The following NRDE2 variants were observed in gnomAD, a reference collection of about 807,000 sequenced individuals.
NRDE2 encodes nuclear exosome regulator NRDE2.
A neutral mutation model predicts 124.2 loss-of-function variants in NRDE2; 76 were observed. The observed-to-expected ratio is 0.61, with a 90% CI of 0.51 to 0.74. The LOEUF is 0.74. Among genes scored for constraint, NRDE2 ranks in the 30% least tolerant of loss-of-function variants. NRDE2 has a pLI of 0.00. For missense variants in NRDE2, 1,314 were observed against 1,417.3 expected, an observed-to-expected ratio of 0.93 and a Z score of 1.17; for synonymous variants, 489 against 528.1, an observed-to-expected ratio of 0.93 and a Z score of 1.01.
chr14:90,318,630 T>C (rs574093096), intron 1 of NRDE2, among the ~76,000 whole-genome samples: 45 of 151,944 alleles, frequency 3.0e-4, no homozygotes, highest in Non-Finnish European at 5.9e-4. Flanking sequence ...TGAAAAACCA[T>C]CTCTACTAAA....
rs144178237 is a variant in NRDE2 at position 90,290,461 on chromosome 14, C to T, written c.1989G>A (p.Glu663=). 3.7e-4 allele frequency: 592 copies of T among 1,614,052 alleles called. 2 individuals are homozygous for T. In the African/African-American group the frequency reaches 7.4e-3, roughly 20 times the overall value. ...PASCLYLAMD[E]NSIFDNGLYD... Reference sequence around the variant, plus strand: ...AAAGTCCATTATCAAAGATGCTGTTCTCATCCATGGCCAGATAAAGACAGG... The same window carrying T: ...AAAGTCCATTATCAAAGATGCTGTTTTCATCCATGGCCAGATAAAGACAGG... Residue 663 remains glutamate, a synonymous_variant, in exon 10 of 14, where the codon GAG becomes GAA. Transcript: ENST00000354366.
chr14:90,314,551 A>C (rs1884971086), intron 3 of NRDE2, among the ~76,000 whole-genome samples: 1 of 152,218 alleles, frequency 6.6e-6, no homozygotes, highest in African/African-American at 2.4e-5. Context: ...CAAGTTCTAA[A>C]GATAGTTCCT....
At chr14:90,278,930 T>C (rs1454288185) in intron 13 of NRDE2, 132 bp downstream of exon 13, 14 of 709,832 alleles carry the variant, frequency 2.0e-5, no homozygotes, top group Non-Finnish European at 3.1e-5. Flanking sequence ...TGGATGTACC[T>C]TGGGACAGGG....
chr14:90,323,505 C>T (rs951329195), intron 1 of NRDE2, among the ~76,000 whole-genome samples: 2 of 152,176 alleles, frequency 1.3e-5, no homozygotes, highest in African/African-American at 4.8e-5. Context: ...ATTCAAAAAA[C>T]ATTTCTAGGG....
rs1220742788 is a variant in NRDE2 at position 90,311,547 on chromosome 14, TCTC to T, written c.557+844_557+846del. Among the ~76,000 whole-genome samples the T allele has an allele frequency of 2.0e-5, 3 of 152,284 alleles. No individual in the cohort carries two copies. The East Asian group carries it at 5.8e-4, about 29-fold the overall frequency. ...CCATGTAAGACGTGCCTTTGCTCCT[TCTC>T]CACCTTCCACCATGATTGCGAGGTC... On this transcript the variant is annotated intron_variant, in intron 4 of 13. Transcript: ENST00000354366.
chr14:90,327,710 G>A (rs981197334), intron 1 of NRDE2, among the ~76,000 whole-genome samples: 1 of 152,210 alleles, frequency 6.6e-6, no homozygotes, highest in African/African-American at 2.4e-5. Flanking sequence ...CGAAAGGAAT[G>A]AATCAAGTAT....
At chr14:90,313,535 G>C (rs10147186) in intron 3 of NRDE2, among the ~76,000 whole-genome samples, 97,811 of 151,894 alleles carry the variant, frequency 0.64, 31,981 homozygotes, top group African/African-American at 0.74. Context: ...AGACCCTAAT[G>C]TATCTCTCTG....
intron 4 of NRDE2, among the ~76,000 whole-genome samples, chr14:90,306,182 G>A (rs1884594327): frequency 6.6e-6 from 1 of 152,116 alleles, no homozygotes; most frequent in African/African-American, 2.4e-5. Context: ...AAATGCCGTG[G>A]GGAGAAAAAG....
At chr14:90,283,993 G>A (rs1263424667) in intron 12 of NRDE2, among the ~76,000 whole-genome samples, 1 of 152,120 alleles carries the variant, frequency 6.6e-6, no homozygotes, top group Admixed American at 6.5e-5. Flanking sequence ...TTACAGGCAT[G>A]AGCCACCACA....
chr14:90,320,866 A>C (rs1885216971), intron 1 of NRDE2, among the ~76,000 whole-genome samples: 1 of 152,196 alleles, frequency 6.6e-6, no homozygotes, highest in Non-Finnish European at 1.5e-5. Flanking sequence ...TAAGACTCAA[A>C]GGGGTTAAGT....
intron 1 of NRDE2, among the ~76,000 whole-genome samples, chr14:90,322,672 G>A (rs957791213): frequency 5.3e-5 from 8 of 152,144 alleles, no homozygotes; most frequent in African/African-American, 1.9e-4. Context: ...TCTAGGTACT[G>A]GGGGTATAGT....
chr14:90,317,887 C>G (rs1885102746), intron 2 of NRDE2, 118 bp downstream of exon 2: 3 of 659,190 alleles, frequency 4.6e-6, no homozygotes, highest in Non-Finnish European at 7.7e-6. Flanking sequence ...CACCTTATTA[C>G]TTTAAGTAAG....
chr14:90,274,840 C>CACACA lies in NRDE2; in HGVS notation c.*3495_*3496insTGTGT, dbSNP rs1891768392. 3 of 110,052 alleles carry CACACA rather than the reference C, an allele frequency of 2.7e-5. No homozygotes were observed. Among genetic ancestry groups the CACACA allele is most frequent in the Non-Finnish European group, 5.8e-5 (3 of 51,850 alleles). 6.8% of individuals were successfully genotyped at this position (110,052 alleles called of 1,614,324 possible). A position where few individuals can be genotyped will look rare whatever the true frequency, so the allele number is the denominator to read the frequency against. Reference sequence around the variant, plus strand: ...CACACACACACACACACACACACACCCCAATACATATGAATTGATCTGAAA... The same window carrying CACACA: ...CACACACACACACACACACACACACCACACACCAATACATATGAATTGATCTGAAA... On this transcript the variant is annotated 3_prime_UTR_variant, in exon 14 of 14. Transcript: ENST00000354366.
chr14:90,280,587 G>A (rs553278291), intron 12 of NRDE2: 41 of 152,442 alleles, frequency 2.7e-4, no homozygotes, highest in African/African-American at 8.9e-4. Context: ...CTCACTGCAC[G>A]GAGGTATGGA....
chr14:90,314,411 A>G (rs957362655), intron 3 of NRDE2, among the ~76,000 whole-genome samples: 3 of 152,262 alleles, frequency 2.0e-5, no homozygotes, highest in African/African-American at 7.2e-5. Context: ...GAGAAGGACA[A>G]GAACAATCTT....
chr14:90,325,807 G>A (rs561687722), intron 1 of NRDE2, among the ~76,000 whole-genome samples: 2 of 152,272 alleles, frequency 1.3e-5, no homozygotes, highest in East Asian at 1.9e-4. Context: ...GATTTCAGGT[G>A]TAAGCCACTG....
intron 4 of NRDE2, 85 bp from the exon 5 acceptor site, chr14:90,304,467 C>G: frequency 2.0e-6 from 2 of 1,008,472 alleles, no homozygotes; most frequent in Non-Finnish European, 2.9e-6. Context: ...CCTAAACTCT[C>G]GTTATGCAGG....
chr14:90,291,244 C>T (rs1477677114), intron 9 of NRDE2, among the ~76,000 whole-genome samples: 1 of 152,190 alleles, frequency 6.6e-6, no homozygotes, highest in African/African-American at 2.4e-5. Flanking sequence ...GGAGGCCACC[C>T]TTTGTGTCCT....
In NRDE2 at chr14:90,318,417, T is replaced by C. The variant is rs537001185; in HGVS notation, c.65-304A>G. Reference sequence around the variant, plus strand: ...AGGCAACAAGGCATTTTGCATTCCATCCATCCACACTGTCTAATGAGTGTG... The same window carrying C: ...AGGCAACAAGGCATTTTGCATTCCACCCATCCACACTGTCTAATGAGTGTG... On this transcript the variant is annotated intron_variant, in intron 1 of 13. Coordinates refer to ENST00000354366, the MANE Select transcript of NRDE2 (RefSeq NM_017970.4). Among the ~76,000 whole-genome samples the C allele has an allele frequency of 2.6e-5, 4 of 152,336 alleles. 1 individual carries two copies. In the South Asian group the frequency reaches 8.3e-4, roughly 32 times the overall value.
Sources: gnomAD v4.1 joint callset for allele counts (sites outside exome capture counted in the v4.1 genomes callset) on GRCh38, gnomAD v4.1.1 for gene constraint, MANE v1.5 for transcripts, NCBI Gene and HGNC (gene_info 2026-07-23, HGNC 2026-07-21) for gene names.